KIRREL3: variants seen among roughly 807,000 people sequenced by gnomAD.
KIRREL3 encodes the protein kin of IRRE-like protein 3.
A neutral mutation model predicts 89.7 loss-of-function variants in KIRREL3; 36 were observed. The observed-to-expected ratio is 0.40, with a 90% confidence interval of 0.31 to 0.53. The LOEUF (loss-of-function observed/expected upper bound fraction) is 0.53. Among genes scored for constraint, KIRREL3 ranks in the 20% least tolerant of loss-of-function variants. The pLI, the probability that KIRREL3 is intolerant of heterozygous loss-of-function variation, is 0.49. For synonymous variants in KIRREL3, 445 were observed against 441.4 expected, an observed-to-expected ratio of 1.01 and a Z score of -0.10; for missense variants, 864 against 1,056.6, an observed-to-expected ratio of 0.82 and a Z score of 2.53.
intron 1 of KIRREL3, among the ~76,000 whole-genome samples, chr11:126,863,812 AC>A (rs1425771273): frequency 6.6e-6 from 1 of 152,104 alleles, no homozygotes. Flanking sequence ...CTTCTGGGGA[AC>A]CCCAAGTAGG....
At chr11:126,679,074 A>AC (rs1339404930) in intron 1 of KIRREL3, among the ~76,000 whole-genome samples, 2 of 152,230 alleles carry the variant, frequency 1.3e-5, no homozygotes, top group African/African-American at 4.8e-5. Context: ...ATGGCAAGTC[A>AC]CATTATGAGA....
chr11:126,514,689 A>G (rs926455356), intron 4 of KIRREL3, among the ~76,000 whole-genome samples: 1 of 152,244 alleles, frequency 6.6e-6, no homozygotes, highest in African/African-American at 2.4e-5. Context: ...TTACACAGAA[A>G]GAAACAGGCA....
rs1422715679 is a variant in KIRREL3, at chr11:126,668,247, C to T, written c.56-105335G>A. On this transcript the variant is annotated intron_variant, in intron 1 of 16. Coordinates refer to ENST00000525144, the MANE Select transcript of KIRREL3 (RefSeq NM_032531.4). The surrounding 1 kb of genome is among the most constrained non-coding windows in gnomAD (Gnocchi z 4.4). ...GTGCCTTCTCTCTGTGTCCTTACAT[C>T]GTGGAAGGGACAAGAGGCCTTTCTT... Among the ~76,000 whole-genome samples the T allele has an allele frequency of 1.3e-5, 2 of 152,116 alleles. No individual in the cohort carries two copies. The highest frequency in any genetic ancestry group is 2.9e-5 in the Non-Finnish European group (2 of 68,030).
chr11:126,721,056 C>T (rs1473349954), intron 1 of KIRREL3, among the ~76,000 whole-genome samples: 2 of 152,200 alleles, frequency 1.3e-5, no homozygotes, highest in East Asian at 3.9e-4. Flanking sequence ...GAAATGAGAA[C>T]AATTTTGGCT....
In KIRREL3 at chr11:126,993,021, C is replaced by T. The variant is rs1177424518; in HGVS notation, c.55+7434G>A. 6.6e-6 allele frequency among the ~76,000 whole-genome samples: 1 copy of T among 152,188 alleles called. No homozygotes were observed. The highest frequency in any genetic ancestry group is 1.5e-5 in the Non-Finnish European group (1 of 68,028). On this transcript the variant is annotated intron_variant, in intron 1 of 16. Coordinates refer to ENST00000525144, the MANE Select transcript of KIRREL3 (RefSeq NM_032531.4). This position sits in a 1 kb window ranked among gnomAD's most constrained non-coding sequence, Gnocchi z 6.1. ...ACCATTAAGGTCAGTTCCCCCCATA[C>T]TTATTCTCTTGCTCACTTCATCCAT...
At chr11:126,882,366 C>T (rs1310214319) in intron 1 of KIRREL3, among the ~76,000 whole-genome samples, 1 of 152,200 alleles carries the variant, frequency 6.6e-6, no homozygotes, top group Non-Finnish European at 1.5e-5. Context: ...GCTGAACCTC[C>T]TCTTTCTATC....
chr11:126,494,769 G>C (rs1239773112), intron 4 of KIRREL3, among the ~76,000 whole-genome samples: 2 of 152,202 alleles, frequency 1.3e-5, no homozygotes, highest in Admixed American at 6.5e-5. Context: ...GCCTGAAACT[G>C]TTTTGGGGCG....
rs1955140490 is a variant in KIRREL3 at position 126,431,728 on chromosome 11, CAG to C, written c.1589-204_1589-203del. ...ACTGCAAAGACCAGGGTGGAGGACA[CAG>C]GGGCTTGGTGGGTGGAGGAGAGGGC... On this transcript the variant is annotated intron_variant, in intron 13 of 16. Transcript: ENST00000525144. The surrounding 1 kb of genome is among the most constrained non-coding windows in gnomAD (Gnocchi z 7.1). Among the ~76,000 whole-genome samples, 1 of 151,998 alleles carries C rather than the reference CAG, an allele frequency of 6.6e-6. No homozygotes were observed. The highest frequency in any genetic ancestry group is 2.1e-4 in the South Asian group (1 of 4,820).
chr11:126,790,214 G>A (rs1167784850), intron 1 of KIRREL3, among the ~76,000 whole-genome samples: 1 of 152,176 alleles, frequency 6.6e-6, no homozygotes, highest in East Asian at 1.9e-4. Flanking sequence ...CGCAATCTGA[G>A]GTCACCGAAC....
intron 1 of KIRREL3, among the ~76,000 whole-genome samples, chr11:126,881,956 C>T (rs1945519408): frequency 6.6e-6 from 1 of 152,066 alleles, no homozygotes; most frequent in Admixed American, 6.5e-5. Context: ...GATACAAGGC[C>T]CATTTGAGAG....
At chr11:126,945,272 G>A (rs1259102721) in intron 1 of KIRREL3, among the ~76,000 whole-genome samples, 1 of 152,176 alleles carries the variant, frequency 6.6e-6, no homozygotes, top group East Asian at 1.9e-4. Context: ...GCATCCCAGT[G>A]TCTATAGCTT....
Position 127,000,613 on chromosome 11 carries a change from G to T in KIRREL3, c.-104C>A. The T allele has an allele frequency of 2.5e-6, 3 of 1,222,136 alleles. No individual in the cohort carries two copies. The highest frequency in any genetic ancestry group is 2.3e-6 in the Non-Finnish European group (2 of 862,822). The allele number at this position is 1,222,136 out of a possible 1,614,324, so 75.7% of individuals were successfully genotyped here. A position where few individuals can be genotyped will look rare whatever the true frequency, so the allele number is the denominator to read the frequency against. Reference sequence around the variant, plus strand: ...AGCCTCCGCCGGTCCTCTCGGGTTCGCGCCTACCATCTGTCCGTCCGTGGG... The same window carrying T: ...AGCCTCCGCCGGTCCTCTCGGGTTCTCGCCTACCATCTGTCCGTCCGTGGG... On this transcript the variant is annotated 5_prime_UTR_variant, in exon 1 of 17. Transcript: ENST00000525144. The surrounding 1 kb of genome is among the most constrained non-coding windows in gnomAD (Gnocchi z 7.1).
Position 126,872,472 on chromosome 11 carries a change from A to G in KIRREL3, c.55+127983T>C, listed in dbSNP as rs1030732399. On this transcript the variant is annotated intron_variant, in intron 1 of 16. Coordinates refer to ENST00000525144, the MANE Select transcript of KIRREL3 (RefSeq NM_032531.4). The surrounding 1 kb of genome is among the most constrained non-coding windows in gnomAD (Gnocchi z 4.2). ...TATGCTGCCACTTCAATAAAGTTGC[A>G]AACTGATTTCTTTCACCATCATCTC... Among the ~76,000 whole-genome samples, 2 of 152,188 alleles carry G rather than the reference A, an allele frequency of 1.3e-5. No homozygotes were observed. Among genetic ancestry groups the G allele is most frequent in the African/African-American group, 4.8e-5 (2 of 41,440 alleles).
chr11:126,967,405 A>G (rs772676004), intron 1 of KIRREL3, among the ~76,000 whole-genome samples: 1 of 152,152 alleles, frequency 6.6e-6, no homozygotes, highest in Non-Finnish European at 1.5e-5. Flanking sequence ...ATAACTTCCC[A>G]CAGGGAAGAT....
chr11:126,751,485 C>A (rs1230544845), intron 1 of KIRREL3, among the ~76,000 whole-genome samples: 1 of 152,200 alleles, frequency 6.6e-6, no homozygotes, highest in Non-Finnish European at 1.5e-5. Context: ...ACACTTGATT[C>A]TTTTAGCATT....
At position 126,904,617 on chromosome 11, in the gene KIRREL3, A is replaced by G. The variant is rs1348347613; in HGVS notation, c.55+95838T>C. On this transcript the variant is annotated intron_variant, in intron 1 of 16. Transcript: ENST00000525144. This position sits in a 1 kb window ranked among gnomAD's most constrained non-coding sequence, Gnocchi z 4.4. ...CATGTTTTTGACATCAGGAAAAGAAATAATCTGTCTTACAAGGCTGTTCTT... is the reference window on the plus strand; with the variant it reads ...CATGTTTTTGACATCAGGAAAAGAAGTAATCTGTCTTACAAGGCTGTTCTT... 6.6e-6 allele frequency among the ~76,000 whole-genome samples: 1 copy of G among 152,244 alleles called. No individual in the cohort carries two copies. The highest frequency in any genetic ancestry group is 1.5e-5 in the Non-Finnish European group (1 of 68,040).
chr11:126,506,219 A>G (rs1958008534), intron 4 of KIRREL3, among the ~76,000 whole-genome samples: 1 of 147,064 alleles, frequency 6.8e-6, no homozygotes. Flanking sequence ...TAGAGACAAT[A>G]TCAAAAACAC....
chr11:126,488,821 C>T (rs1957434113), intron 4 of KIRREL3, among the ~76,000 whole-genome samples: 1 of 152,214 alleles, frequency 6.6e-6, no homozygotes, highest in South Asian at 2.1e-4. Context: ...CAAGTTGTCC[C>T]TCTGCTTATG....
At chr11:126,938,300 GCCA>G (rs949937808) in intron 1 of KIRREL3, among the ~76,000 whole-genome samples, 3 of 152,186 alleles carry the variant, frequency 2.0e-5, no homozygotes, top group Non-Finnish European at 4.4e-5. Flanking sequence ...AACCACAAAA[GCCA>G]CCTATTGGGT....
Sources: allele counts gnomAD v4.1 joint callset (sites outside exome capture counted in the v4.1 genomes callset), GRCh38; gene constraint gnomAD v4.1.1; non-coding constraint Gnocchi (gnomAD v3.1); transcripts MANE v1.5; gene names NCBI Gene and HGNC (gene_info 2026-07-23, HGNC 2026-07-21).